Variants in ANKH observed in about 807,000 individuals in gnomAD.
The protein encoded by ANKH is ANKH inorganic pyrophosphate transport regulator, also known as mineralization regulator ANKH.
A neutral mutation model predicts 49.0 loss-of-function variants in ANKH; 15 were observed. That is an observed-to-expected ratio of 0.31 (90% CI 0.20 to 0.47). ANKH has a LOEUF of 0.47. Among genes scored for constraint, ANKH ranks in the 20% least tolerant of loss-of-function variants. The probability of loss-of-function intolerance (pLI) is 1.00; values close to 1 mark genes in which losing one functional copy is unlikely to be tolerated. For missense variants in ANKH, 429 were observed against 652.0 expected (o/e 0.66, Z 3.72); for synonymous variants, 273 against 260.0 (o/e 1.05, Z -0.48).
At chr5:14,848,465 G>T (rs1377513673) in intron 1 of ANKH, among the ~76,000 whole-genome samples, 2 of 152,094 alleles carry the variant, frequency 1.3e-5, no homozygotes, top group South Asian at 2.1e-4. Context: ...ATTAAATCTT[G>T]CAACTGCACA....
intron 1 of ANKH, chr5:14,797,725 GC>G: frequency 6.2e-7 from 1 of 1,607,218 alleles, no homozygotes; most frequent in Non-Finnish European, 8.5e-7. Flanking sequence ...ATTGCCGTAT[GC>G]CCTGTAAAGA....
At chr5:14,827,156 T>C (rs968100782) in intron 1 of ANKH, among the ~76,000 whole-genome samples, 1 of 152,242 alleles carries the variant, frequency 6.6e-6, no homozygotes, top group African/African-American at 2.4e-5. Flanking sequence ...CTCCAGTCCA[T>C]GGCTTCTTCT....
chr5:14,719,493 G>A (rs1159174810), intron 8 of ANKH, among the ~76,000 whole-genome samples: 1 of 152,178 alleles, frequency 6.6e-6, no homozygotes, highest in African/African-American at 2.4e-5. Flanking sequence ...GATCTTCCCT[G>A]GAGCAGGGAG....
intron 8 of ANKH, among the ~76,000 whole-genome samples, chr5:14,738,631 C>CA (rs1738259148): frequency 6.6e-6 from 1 of 151,450 alleles, no homozygotes; most frequent in Non-Finnish European, 1.5e-5. Context: ...TTTCAAAATT[C>CA]AAAAAAACAA....
intron 1 of ANKH, among the ~76,000 whole-genome samples, chr5:14,799,600 AG>A (rs1166141178): frequency 6.6e-6 from 1 of 152,196 alleles, no homozygotes; most frequent in Non-Finnish European, 1.5e-5. Flanking sequence ...AATTATGCTG[AG>A]TTTACTCTGC....
At chr5:14,851,757 A>T (rs1007723498) in intron 1 of ANKH, among the ~76,000 whole-genome samples, 3 of 152,248 alleles carry the variant, frequency 2.0e-5, no homozygotes, top group African/African-American at 7.2e-5. Context: ...TACAAAATTG[A>T]TATGGTCCAA....
intron 1 of ANKH, among the ~76,000 whole-genome samples, chr5:14,820,382 A>C (rs986960299): frequency 6.6e-6 from 1 of 152,222 alleles, no homozygotes; most frequent in Non-Finnish European, 1.5e-5. Context: ...ACACTTGTTA[A>C]AATGGTAAGG....
At chr5:14,797,837 A>G in intron 1 of ANKH, 1 of 1,611,582 alleles carries the variant, frequency 6.2e-7, no homozygotes, top group Non-Finnish European at 8.5e-7. Context: ...GCCCACTGAG[A>G]TTTAGGTTCC....
At chr5:14,840,573 T>C (rs1235609995) in intron 1 of ANKH, among the ~76,000 whole-genome samples, 1 of 152,238 alleles carries the variant, frequency 6.6e-6, no homozygotes, top group Non-Finnish European at 1.5e-5. Flanking sequence ...TTGTGACAGT[T>C]GTTCTAATGG....
intron 8 of ANKH, among the ~76,000 whole-genome samples, chr5:14,736,534 G>A (rs530985366): frequency 5.9e-5 from 9 of 152,242 alleles, no homozygotes; most frequent in South Asian, 2.1e-4. Context: ...CAGGGTCTCT[G>A]GGGCCTCCAT....
intron 1 of ANKH, among the ~76,000 whole-genome samples, chr5:14,832,431 C>A (rs2126600098): frequency 6.6e-6 from 1 of 152,234 alleles, no homozygotes; most frequent in Admixed American, 6.5e-5. Flanking sequence ...GCATCCTTTT[C>A]AAAAAACTCA....
At chr5:14,860,113 T>G (rs1262346383) in intron 1 of ANKH, among the ~76,000 whole-genome samples, 2 of 152,170 alleles carry the variant, frequency 1.3e-5, no homozygotes, top group Non-Finnish European at 1.5e-5. Flanking sequence ...GGGGTACAAA[T>G]GAGGTACAAC....
intron 1 of ANKH, among the ~76,000 whole-genome samples, chr5:14,826,720 G>C (rs770549991): frequency 2.6e-4 from 40 of 152,178 alleles, no homozygotes; most frequent in Non-Finnish European, 4.6e-4. Flanking sequence ...TGCCAAGTAA[G>C]AGAGCAGATT....
rs769500254 is a variant in ANKH at position 14,751,101 on chromosome 5, T to C, written c.655A>G (p.Ile219Val). ...TCCGGGCCACTTCTGTCAGGGATGA[T>C]GTCGTGAATGTTCTTGTAGTAGCCC... ...CLGYYKNIHDIIPDRSGPELG... is the reference protein window; with the variant it reads ...CLGYYKNIHDVIPDRSGPELG... The change falls in exon 5 of 12, where the codon ATC (isoleucine) becomes GTC (valine). Residue 219 changes from isoleucine to valine, a missense_variant. Ile to Val is a conservative substitution (Grantham distance 29). This residue lies in a region of ANKH where 378 missense variants were observed against 615.3 expected (regional missense o/e 0.61). Transcript: ENST00000284268. 1 of 1,614,240 alleles carries C rather than the reference T, an allele frequency of 6.2e-7. No individual in the cohort carries two copies. Among genetic ancestry groups the C allele is most frequent in the Non-Finnish European group, 8.5e-7 (1 of 1,180,038 alleles).
intron 1 of ANKH, among the ~76,000 whole-genome samples, chr5:14,800,727 C>CTTTTTCTT (rs1740543205): frequency 1.5e-5 from 2 of 135,314 alleles, no homozygotes; most frequent in African/African-American, 5.6e-5. Flanking sequence ...CATTTTTTTT[C>CTTTTTCTT]TTTTTTTTTT....
At chr5:14,848,749 T>C (rs959405955) in intron 1 of ANKH, among the ~76,000 whole-genome samples, 3 of 152,220 alleles carry the variant, frequency 2.0e-5, no homozygotes, top group Non-Finnish European at 4.4e-5. Flanking sequence ...CGGCTTCTAA[T>C]AGAGCTAACA....
At chr5:14,837,064 A>G (rs1228842404) in intron 1 of ANKH, among the ~76,000 whole-genome samples, 3 of 152,242 alleles carry the variant, frequency 2.0e-5, no homozygotes, top group Non-Finnish European at 2.9e-5. Flanking sequence ...CTGGCTAGCC[A>G]TATGTAGAAA....
At chr5:14,736,625 C>T (rs1738192904) in intron 8 of ANKH, among the ~76,000 whole-genome samples, 1 of 152,164 alleles carries the variant, frequency 6.6e-6, no homozygotes. Context: ...TCTGACCAGT[C>T]TCTCTCCCTT....
Position 14,712,272 on chromosome 5 carries a change from G to C in ANKH, c.1365+602C>G, listed in dbSNP as rs79817582. Among the ~76,000 whole-genome samples, 108 of 152,330 alleles carry C rather than the reference G, an allele frequency of 7.1e-4. 4 individuals carry two copies. In the East Asian group the frequency reaches 0.019, roughly 28 times the overall value. On this transcript the variant is annotated intron_variant, in intron 11 of 11. Transcript: ENST00000284268. ...GGCCGTCACTCTGCTGCCCCGGCCTGTTCACTCTGCTACTCTCTTGACCAA... is the reference window on the plus strand; with the variant it reads ...GGCCGTCACTCTGCTGCCCCGGCCTCTTCACTCTGCTACTCTCTTGACCAA...
Sources: allele counts gnomAD v4.1 joint callset (sites outside exome capture counted in the v4.1 genomes callset), GRCh38; gene constraint gnomAD v4.1.1; regional missense constraint gnomAD v4.1.1; transcripts MANE v1.5; gene names NCBI Gene and HGNC (gene_info 2026-07-23, HGNC 2026-07-21).